The following KIF17 variants were observed in gnomAD, a reference collection of about 807,000 sequenced individuals.
The protein encoded by KIF17 is kinesin-like protein KIF17.
Under a neutral mutation model 96.8 loss-of-function variants are expected in KIF17, and 80 were observed. That is an observed-to-expected ratio of 0.83 (90% CI 0.69 to 1.00). The LOEUF is 1.00. KIF17 is among the 50% of genes least tolerant of loss of function. The pLI, the probability that KIF17 is intolerant of heterozygous loss-of-function variation, is 0.00. For missense variants in KIF17, 1,280 were observed against 1,372.9 expected (o/e 0.93, Z 1.07); for synonymous variants, 567 against 587.5 (o/e 0.97, Z 0.51).
chr1:20,662,615 C>G (rs2053456267), downstream of KIF17, among the ~76,000 whole-genome samples: 1 of 152,224 alleles, frequency 6.6e-6, no homozygotes, highest in Admixed American at 6.5e-5. Flanking sequence ...GCCTCTAATT[C>G]AGAGCCAACA....
In KIF17 at chr1:20,684,795, G is replaced by A. The variant is rs2053903942; in HGVS notation, c.2231+14C>T. 2 of 1,561,538 alleles carry A rather than the reference G, an allele frequency of 1.3e-6. No homozygotes were observed. Among genetic ancestry groups the A allele is most frequent in the South Asian group, 1.2e-5 (1 of 85,108 alleles). The stretch of plus-strand genomic sequence containing the variant: ...CACCGTGGGGTCCCGCCAGCCCCAT[G>A]CTCTGCTGCTTACCGGGCCAGCACC... On this transcript the variant is annotated intron_variant, in intron 10 of 14. Transcript: ENST00000400463.
At chr1:20,715,406 GA>G in intron 2 of KIF17, 86 bp downstream of exon 2, 7 of 1,565,318 alleles carry the variant, frequency 4.5e-6, no homozygotes, top group Non-Finnish European at 5.2e-6. Context: ...GGGCTCCAAA[GA>G]CTTCCCGTGT....
At chr1:20,681,595 G>A (rs1483325408) in intron 11 of KIF17, among the ~76,000 whole-genome samples, 1 of 152,142 alleles carries the variant, frequency 6.6e-6, no homozygotes, top group Non-Finnish European at 1.5e-5. Context: ...GAGCCATCAT[G>A]AGGATCAGGA....
chr1:20,664,694 C>T lies in KIF17; in HGVS notation c.2977G>A (p.Ala993Thr), dbSNP rs1035758826. The change falls in exon 15 of 15, where the codon GCC becomes ACC. Residue 993 changes from alanine to threonine, a missense_variant. Ala to Thr is a moderately conservative substitution (Grantham distance 58, BLOSUM62 0). Transcript: ENST00000400463. ...SNNSAIPPTQAPEMPQPRPFR... is the reference protein window; with the variant it reads ...SNNSAIPPTQTPEMPQPRPFR... ...GGCCGGGGCTGGGGCATTTCAGGGG[C>T]CTGGGTGGGTGGGATGGCAGAGTTG... 1.6e-6 allele frequency: 1 copy of T among 630,170 alleles called. No homozygotes were observed. Among genetic ancestry groups the T allele is most frequent in the African/African-American group, 1.9e-5 (1 of 51,844 alleles). 39.0% of individuals were successfully genotyped at this position (630,170 alleles called of 1,614,324 possible). A position where few individuals can be genotyped will look rare whatever the true frequency, so the allele number is the denominator to read the frequency against.
At chr1:20,686,697 A>G (rs1435373629) in intron 8 of KIF17, among the ~76,000 whole-genome samples, 2 of 152,172 alleles carry the variant, frequency 1.3e-5, no homozygotes, top group African/African-American at 4.8e-5. Flanking sequence ...CTGGGATTAC[A>G]GGTGCACGCC....
At chr1:20,663,437 G>A (rs543667428), downstream of KIF17, among the ~76,000 whole-genome samples, 1 of 152,278 alleles carries the variant, frequency 6.6e-6, no homozygotes, top group Admixed American at 6.5e-5. Flanking sequence ...CTAACACAGA[G>A]CACCTGCTAT....
In KIF17 at chr1:20,687,694, G is replaced by T. The variant is rs547092044; in HGVS notation, c.1632C>A (p.Leu544=). Residue 544 remains leucine, a synonymous_variant, in exon 8 of 15, where the codon CTC becomes CTA. Coordinates refer to ENST00000400463, the MANE Select transcript of KIF17 (RefSeq NM_001122819.3). This position sits in a 1 kb window ranked among gnomAD's most constrained non-coding sequence, Gnocchi z 4.4. Reference sequence around the variant, plus strand: ...AAGCCTCGGACACAGAGGTTTCTTCGAGCGAGGATGACTCACTGGAGCCCA... The same window carrying T: ...AAGCCTCGGACACAGAGGTTTCTTCTAGCGAGGATGACTCACTGGAGCCCA... ...ISLGSSESSS[L]EETSVSEAFP... is the part of the protein sequence containing the mutation. 7 of 1,614,156 alleles carry T rather than the reference G, an allele frequency of 4.3e-6. No individual in the cohort carries two copies. Among genetic ancestry groups the T allele is most frequent in the African/African-American group, 1.3e-5 (1 of 75,034 alleles).
rs954480438 is a variant in KIF17, at chr1:20,704,439, G to C, written c.1123+8C>G. On this transcript the variant is annotated splice_region_variant and intron_variant, in intron 5 of 14. Coordinates refer to ENST00000400463, the MANE Select transcript of KIF17 (RefSeq NM_001122819.3). This position sits in a 1 kb window ranked among gnomAD's most constrained non-coding sequence, Gnocchi z 6.8. Reference sequence around the variant, plus strand: ...GGCCCTCCCGCCACTACCCCAACGTGGTCCCACCTGACAGGCTGCTGGGGC... The same window carrying C: ...GGCCCTCCCGCCACTACCCCAACGTCGTCCCACCTGACAGGCTGCTGGGGC... 1 of 1,611,766 alleles carries C rather than the reference G, an allele frequency of 6.2e-7. No homozygotes were observed. The highest frequency in any genetic ancestry group is 1.3e-5 in the African/African-American group (1 of 74,874).
intron 11 of KIF17, among the ~76,000 whole-genome samples, chr1:20,678,821 AGG>A (rs2053780866): frequency 1.3e-5 from 2 of 152,122 alleles, no homozygotes; most frequent in Non-Finnish European, 2.9e-5. Context: ...GCAGGACCAG[AGG>A]AGTTAGTCTC....
chr1:20,664,045 A>G lies in KIF17; in HGVS notation c.*539T>C, dbSNP rs2053480199. ...TAAAAGCAGTTTATTGGGCAGCTTA[A>G]TGTGGAGTGGCCTTCCTTGGGCCAC... On this transcript the variant is annotated 3_prime_UTR_variant, in exon 15 of 15. Coordinates refer to ENST00000400463, the MANE Select transcript of KIF17 (RefSeq NM_001122819.3). The G allele has an allele frequency of 5.6e-6, 1 of 179,202 alleles. No homozygotes were observed. Among genetic ancestry groups the G allele is most frequent in the Non-Finnish European group, 1.2e-5 (1 of 82,274 alleles). The allele number at this position is 179,202 out of a possible 1,614,324, so 11.1% of individuals were successfully genotyped here.
rs1272208019 is a variant in KIF17 at position 20,682,812 on chromosome 1, C to T, written c.2304G>A (p.Lys768=). 6.2e-7 allele frequency: 1 copy of T among 1,612,600 alleles called. No individual in the cohort carries two copies. Among genetic ancestry groups the T allele is most frequent in the African/African-American group, 1.3e-5 (1 of 74,950 alleles). ...GCTCGTCTGCGTAGCGCTTGCGCCG[C>T]TTGTGCTTCTCCTTCAGGTCCTTGT... The part of the protein sequence containing the change: ...AKNKDLKEKH[K]RRKRYADERR... The change falls in exon 11 of 15, where the codon AAG becomes AAA. Residue 768 remains lysine (K), a synonymous_variant. Coordinates refer to ENST00000400463, the MANE Select transcript of KIF17 (RefSeq NM_001122819.3).
Position 20,687,434 on chromosome 1 carries a change from G to T in KIF17, c.1892C>A (p.Ala631Asp). 1 of 1,613,890 alleles carries T rather than the reference G, an allele frequency of 6.2e-7. No individual in the cohort carries two copies. Among genetic ancestry groups the T allele is most frequent in the Non-Finnish European group, 8.5e-7 (1 of 1,180,046 alleles). ...AKLARLSSTV[A>D]RTDAPQADVP... ...GTCTGCCTGGGGTGCATCTGTCCTG[G>T]CCACGGTGGAGGAGAGTCTGGCCAG... Residue 631 changes from alanine (A) to aspartate (D), a missense_variant, in exon 8 of 15, where the codon GCC becomes GAC. Physicochemically the swap from Ala to Asp is moderately radical, Grantham distance 126. Transcript: ENST00000400463. The surrounding 1 kb of genome is among the most constrained non-coding windows in gnomAD (Gnocchi z 4.4).
downstream of KIF17, chr1:20,663,950 A>T (rs2154534619): frequency 6.2e-6 from 1 of 160,232 alleles, no homozygotes; most frequent in East Asian, 1.8e-4. Flanking sequence ...TCCCTGGAAT[A>T]GCCAGGCCAC....
intron 8 of KIF17, 110 bp from the exon 9 acceptor site, chr1:20,686,236 C>T (rs1317344539): frequency 4.9e-6 from 4 of 822,344 alleles, no homozygotes; most frequent in Non-Finnish European, 8.3e-6. Flanking sequence ...CCCACCACCC[C>T]CCAACCTCCC....
At position 20,688,047 on chromosome 1, in the gene KIF17, T is replaced by TG. The variant is rs1359780603; in HGVS notation, c.1382-104_1382-103insC. On this transcript the variant is annotated intron_variant, in intron 7 of 14. Coordinates refer to ENST00000400463, the MANE Select transcript of KIF17 (RefSeq NM_001122819.3). ...CAGTGTGTTGTTTTTTTTGTTTGTT[T>TG]TTTTTTTGTTTTTTTTTGAGACAGA... The TG allele has an allele frequency of 5.2e-6, 5 of 963,858 alleles. No homozygotes were observed. The African/African-American group carries it at 8.3e-5, about 16-fold the overall frequency. 59.7% of individuals were successfully genotyped at this position (963,858 alleles called of 1,614,324 possible). A position where few individuals can be genotyped will look rare whatever the true frequency, so the allele number is the denominator to read the frequency against.
At position 20,717,699 on chromosome 1, in the gene KIF17, G is replaced by A. The variant is rs1219845071; in HGVS notation, c.8C>T (p.Ser3Phe). Residue 3 changes from serine (S) to phenylalanine (F), a missense_variant, in exon 1 of 15, where the codon TCC becomes TTC. Transcript: ENST00000400463. MA[S>F]EAVKVVVRCR... Reference sequence around the variant, plus strand: ...GCGCACGACAACCTTCACCGCCTCGGAGGCCATGGCGCCGCGCCCAGGACC... The same window carrying A: ...GCGCACGACAACCTTCACCGCCTCGAAGGCCATGGCGCCGCGCCCAGGACC... The A allele has an allele frequency of 6.3e-7, 1 of 1,588,962 alleles. No homozygotes were observed. The highest frequency in any genetic ancestry group is 8.5e-7 in the Non-Finnish European group (1 of 1,174,110).
rs781378925 is a variant in KIF17, at chr1:20,713,543, T to C, written c.391A>G (p.Thr131Ala). 1.2e-6 allele frequency: 2 copies of C among 1,612,594 alleles called. No homozygotes were observed. The highest frequency in any genetic ancestry group is 3.3e-5 in the Admixed American group (2 of 59,928). Reference sequence around the variant, plus strand: ...TAGGAGGCCCGGACCAGGAACTTAGTGTTCTCTGCACACTGCAGGGAGTAC... The same window carrying C: ...TAGGAGGCCCGGACCAGGAACTTAGCGTTCTCTGCACACTGCAGGGAGTAC... ...VFESVQCAEN[T>A]KFLVRASYLE... The change falls in exon 3 of 15, where the codon ACT becomes GCT. Residue 131 changes from threonine to alanine, a missense_variant. Thr to Ala is a moderately conservative substitution (Grantham distance 58). Coordinates refer to ENST00000400463, the MANE Select transcript of KIF17 (RefSeq NM_001122819.3).
chr1:20,713,790 T>C (rs992733192), intron 2 of KIF17, among the ~76,000 whole-genome samples: 1 of 152,082 alleles, frequency 6.6e-6, no homozygotes, highest in African/African-American at 2.4e-5. Flanking sequence ...TTCATATTGC[T>C]GTCTAATGCT....
At chr1:20,681,991 A>C (rs2053837208) in intron 11 of KIF17, among the ~76,000 whole-genome samples, 1 of 152,192 alleles carries the variant, frequency 6.6e-6, no homozygotes, top group Non-Finnish European at 1.5e-5. Context: ...ATCAACAAAA[A>C]TGAGAACATA....
Sources: allele counts gnomAD v4.1 joint callset (sites outside exome capture counted in the v4.1 genomes callset), GRCh38; gene constraint gnomAD v4.1.1; non-coding constraint Gnocchi (gnomAD v3.1); transcripts MANE v1.5; gene names NCBI Gene and HGNC (gene_info 2026-07-23, HGNC 2026-07-21).